FARS2: variants seen among roughly 807,000 people sequenced by gnomAD.
The protein encoded by FARS2 is phenylalanyl-tRNA synthetase 2, mitochondrial.
Under a neutral mutation model 46.4 loss-of-function variants are expected in FARS2, and 40 were observed. That is an observed-to-expected ratio of 0.86 (90% CI 0.67 to 1.12). The LOEUF (loss-of-function observed/expected upper bound fraction) is 1.12. Among genes scored for constraint, FARS2 ranks in the 50% most tolerant of loss-of-function variants. The probability of loss-of-function intolerance (pLI) is 0.00; values close to 1 mark genes in which losing one functional copy is unlikely to be tolerated. For synonymous variants in FARS2, 234 were observed against 214.9 expected (o/e 1.09, Z -0.78); for missense variants, 513 against 567.9 (o/e 0.90, Z 0.98).
At chr6:5,577,697 A>T (rs1019231810) in intron 5 of FARS2, among the ~76,000 whole-genome samples, 5 of 152,230 alleles carry the variant, frequency 3.3e-5, no homozygotes, top group Admixed American at 2.6e-4. Flanking sequence ...TCTGATAAAC[A>T]TAGATCCGGA....
intron 4 of FARS2, among the ~76,000 whole-genome samples, chr6:5,458,753 T>A (rs1020052013): frequency 6.6e-6 from 1 of 152,236 alleles, no homozygotes; most frequent in African/African-American, 2.4e-5. Flanking sequence ...TTTCCCTTGA[T>A]ATTTTTCATT....
chr6:5,749,889 G>A (rs1007057674), intron 6 of FARS2, among the ~76,000 whole-genome samples: 2 of 152,206 alleles, frequency 1.3e-5, no homozygotes, highest in African/African-American at 4.8e-5. Context: ...CGGCTGCCAC[G>A]AAGGTGCTCC....
upstream of FARS2, among the ~76,000 whole-genome samples, chr6:5,257,804 A>G (rs944117495): frequency 6.6e-6 from 1 of 152,188 alleles, no homozygotes; most frequent in Non-Finnish European, 1.5e-5. Flanking sequence ...ACTGTCTTCC[A>G]TGAAATTGGT....
At chr6:5,580,106 G>A (rs7757733) in intron 5 of FARS2, among the ~76,000 whole-genome samples, 86,588 of 151,264 alleles carry the variant, frequency 0.57, 25,063 homozygotes, top group Non-Finnish European at 0.62. Flanking sequence ...CCTGATCAAC[G>A]TGGTGAAACT....
intron 5 of FARS2, among the ~76,000 whole-genome samples, chr6:5,551,228 T>C (rs1348684709): frequency 6.6e-6 from 1 of 152,230 alleles, no homozygotes; most frequent in Non-Finnish European, 1.5e-5. Flanking sequence ...TCTGCCGCTA[T>C]GAATGAACAA....
rs73718096 is a variant in FARS2 at position 5,401,177 on chromosome 6, G to C, written c.613-3365G>C. On this transcript the variant is annotated intron_variant, in intron 2 of 6. Transcript: ENST00000274680. ...CATTTATTGAGTTATTGATATATTC[G>C]ATCTGAACTTTATCATAATATATTG... is the stretch of plus-strand genomic sequence containing the variant. Among the ~76,000 whole-genome samples, 421 of 151,850 alleles carry C rather than the reference G, an allele frequency of 2.8e-3. 2 individuals are homozygous for C. Among genetic ancestry groups the C allele is most frequent in the African/African-American group, 9.6e-3 (398 of 41,456 alleles).
At chr6:5,373,635 T>C (rs1318832830) in intron 2 of FARS2, among the ~76,000 whole-genome samples, 2 of 152,124 alleles carry the variant, frequency 1.3e-5, no homozygotes, top group African/African-American at 4.8e-5. Flanking sequence ...GTGGACTTCT[T>C]TTGTTGAACA....
At chr6:5,450,377 A>G (rs1426963307) in intron 4 of FARS2, among the ~76,000 whole-genome samples, 2 of 151,798 alleles carry the variant, frequency 1.3e-5, no homozygotes, top group African/African-American at 4.8e-5. Context: ...GGGAAGCGTG[A>G]TGTGGGCTGC....
intron 1 of FARS2, among the ~76,000 whole-genome samples, chr6:5,358,672 A>G (rs1191878870): frequency 6.6e-6 from 1 of 152,210 alleles, no homozygotes; most frequent in Non-Finnish European, 1.5e-5. Context: ...GGGAATCACT[A>G]CAATTCCAAA....
chr6:5,605,832 G>A (rs558730638), intron 5 of FARS2, among the ~76,000 whole-genome samples: 1 of 152,264 alleles, frequency 6.6e-6, no homozygotes, highest in Admixed American at 6.5e-5. Context: ...TGAATAAGAG[G>A]CAAAAACTGG....
intron 2 of FARS2, among the ~76,000 whole-genome samples, chr6:5,390,183 T>A (rs1387612077): frequency 6.6e-6 from 1 of 152,136 alleles, no homozygotes; most frequent in African/African-American, 2.4e-5. Flanking sequence ...GTTTTTTTGT[T>A]CCAGTACTTA....
intron 2 of FARS2, among the ~76,000 whole-genome samples, chr6:5,369,665 T>TC (rs1758916833): frequency 6.6e-6 from 1 of 152,202 alleles, no homozygotes; most frequent in African/African-American, 2.4e-5. Context: ...CTGTGTCTTG[T>TC]CCCCAGGCAC....
chr6:5,363,728 C>A (rs909303367), intron 1 of FARS2, among the ~76,000 whole-genome samples: 1 of 152,198 alleles, frequency 6.6e-6, no homozygotes, highest in Admixed American at 6.5e-5. Context: ...TTTCCCCTGA[C>A]TTCTGTGCTG....
chr6:5,474,661 C>CTATTTTTTTTTTTTTTTT (rs34998565), intron 4 of FARS2, among the ~76,000 whole-genome samples: 1 of 71,320 alleles, frequency 1.4e-5, no homozygotes, highest in African/African-American at 4.1e-5. Flanking sequence ...AAATACAGTA[C>CTATTTTTTTTTTTTTTTT]TGTTTTTTTT....
intron 6 of FARS2, among the ~76,000 whole-genome samples, chr6:5,634,148 C>T (rs1337899642): frequency 6.6e-6 from 1 of 151,914 alleles, no homozygotes; most frequent in African/African-American, 2.4e-5. Flanking sequence ...TTTCTAGTTC[C>T]ATCTGGAATT....
intron 6 of FARS2, among the ~76,000 whole-genome samples, chr6:5,641,987 G>A (rs142791789): frequency 6.6e-6 from 1 of 152,276 alleles, no homozygotes; most frequent in Non-Finnish European, 1.5e-5. Context: ...CTCCTTGAGG[G>A]TAGGAAATCT....
At chr6:5,614,405 C>CGTCTTTTTTTTTTTTTTTTTTTTTT in intron 6 of FARS2, among the ~76,000 whole-genome samples, 2 of 147,354 alleles carry the variant, frequency 1.4e-5, no homozygotes, top group African/African-American at 5.2e-5. Flanking sequence ...CTGTTTCCTT[C>CGTCTTTTTTTTTTTTTTTTTTTTTT]TTTGTCTTTT....
intron 3 of FARS2, among the ~76,000 whole-genome samples, chr6:5,430,714 AAACT>A (rs1198868525): frequency 1.3e-5 from 2 of 152,198 alleles, no homozygotes; most frequent in African/African-American, 4.8e-5. Flanking sequence ...TCATGTATAG[AAACT>A]AACAGAATTA....
At chr6:5,444,234 C>T (rs998497976) in intron 4 of FARS2, among the ~76,000 whole-genome samples, 9 of 151,786 alleles carry the variant, frequency 5.9e-5, no homozygotes, top group Non-Finnish European at 1.3e-4. Flanking sequence ...TTTGGGAGGC[C>T]AATGTGGGCG....
Sources: gnomAD v4.1 joint callset for allele counts (sites outside exome capture counted in the v4.1 genomes callset) on GRCh38, gnomAD v4.1.1 for gene constraint, MANE v1.5 for transcripts, NCBI Gene and HGNC (gene_info 2026-07-23, HGNC 2026-07-21) for gene names.